Variants in PHACTR3 observed in about 807,000 individuals in gnomAD.
PHACTR3 encodes the protein phosphatase and actin regulator 3.
Under a neutral mutation model 66.8 loss-of-function variants are expected in PHACTR3, and 16 were observed. The ratio of observed to expected loss-of-function variants is 0.24; its 90% confidence interval spans 0.16 to 0.36. PHACTR3 has a LOEUF of 0.36. Among genes scored for constraint, PHACTR3 ranks in the 10% least tolerant of loss-of-function variants. The probability of loss-of-function intolerance (pLI) is 1.00; values close to 1 mark genes in which losing one functional copy is unlikely to be tolerated. For synonymous variants in PHACTR3, 323 were observed against 292.1 expected (o/e 1.11, Z -1.08); for missense variants, 647 against 719.9 (o/e 0.90, Z 1.16).
intron 1 of PHACTR3, among the ~76,000 whole-genome samples, chr20:59,711,985 T>G (rs1381200298): frequency 6.6e-6 from 1 of 152,066 alleles, no homozygotes; most frequent in Non-Finnish European, 1.5e-5. Flanking sequence ...TATTAAGGAC[T>G]TTTTTTTCAT....
intron 1 of PHACTR3, among the ~76,000 whole-genome samples, chr20:59,634,753 T>G (rs2034787388): frequency 6.6e-6 from 1 of 152,228 alleles, no homozygotes; most frequent in Non-Finnish European, 1.5e-5. Flanking sequence ...CGTCCTGTGA[T>G]GATGGAAATG....
intron 1 of PHACTR3, among the ~76,000 whole-genome samples, chr20:59,724,417 G>GT (rs2038476695): frequency 6.6e-6 from 1 of 152,146 alleles, no homozygotes; most frequent in African/African-American, 2.4e-5. Context: ...TGAGAGTAAT[G>GT]TTTTTTAAAA....
Position 59,590,762 on chromosome 20 carries a change from G to A in PHACTR3, c.109+13145G>A, listed in dbSNP as rs1203845774. Reference sequence around the variant, plus strand: ...AGCCTGCGAAGTCCAAGATCAAGGGGCCGGCAGATTTGCTGTCTGGTGAGT... The same window carrying A: ...AGCCTGCGAAGTCCAAGATCAAGGGACCGGCAGATTTGCTGTCTGGTGAGT... On this transcript the variant is annotated intron_variant, in intron 1 of 12. Coordinates refer to the PHACTR3 transcript ENST00000359926. Among the ~76,000 whole-genome samples, 3 of 152,160 alleles carry A rather than the reference G, an allele frequency of 2.0e-5. No individual in the cohort carries two copies. The East Asian group carries it at 5.8e-4, about 29-fold the overall frequency.
intron 12 of PHACTR3, among the ~76,000 whole-genome samples, chr20:59,846,850 G>A (rs1242757424): frequency 6.6e-6 from 1 of 152,068 alleles, no homozygotes; most frequent in African/African-American, 2.4e-5. Context: ...TGGCCTTTCT[G>A]TGTACTTCAA....
At chr20:59,616,367 G>C (rs1039171644) in intron 1 of PHACTR3, among the ~76,000 whole-genome samples, 2 of 152,186 alleles carry the variant, frequency 1.3e-5, no homozygotes, top group Non-Finnish European at 2.9e-5. Flanking sequence ...GAGGCTCCCA[G>C]ATGCCCTTGT....
chr20:59,845,283 G>T lies in PHACTR3; in HGVS notation c.1664+18G>T. 6.6e-7 allele frequency: 1 copy of T among 1,517,948 alleles called. No individual in the cohort carries two copies. The highest frequency in any genetic ancestry group is 1.1e-5 in the South Asian group (1 of 87,950). 94.0% of individuals were successfully genotyped at this position (1,517,948 alleles called of 1,614,324 possible). A position where few individuals can be genotyped will look rare whatever the true frequency, so the allele number is the denominator to read the frequency against. The stretch of plus-strand genomic sequence containing the variant: ...TTGACAAGGTCAGATTTGTTTCTGT[G>T]AATTTCATGGTACTTATTTTTGAAA... On this transcript the variant is annotated intron_variant, in intron 12 of 12. Coordinates refer to ENST00000371015, the MANE Select transcript of PHACTR3 (RefSeq NM_080672.5).
chr20:59,706,928 G>A (rs2037726489), intron 1 of PHACTR3, among the ~76,000 whole-genome samples: 1 of 152,180 alleles, frequency 6.6e-6, no homozygotes, highest in African/African-American at 2.4e-5. Context: ...CACATCATCT[G>A]TGGACCTTAT....
At chr20:59,658,431 A>G (rs1268638489) in intron 1 of PHACTR3, among the ~76,000 whole-genome samples, 1 of 150,542 alleles carries the variant, frequency 6.6e-6, no homozygotes, top group East Asian at 1.9e-4. Flanking sequence ...GCAACTCTGG[A>G]TACTTGTTTT....
At chr20:59,684,022 A>G (rs2036764622) in intron 1 of PHACTR3, among the ~76,000 whole-genome samples, 1 of 152,200 alleles carries the variant, frequency 6.6e-6, no homozygotes, top group South Asian at 2.1e-4. Context: ...TGTTTATTCT[A>G]GAACAGACTT....
chr20:59,605,371 C>T (rs1373392199), intron 1 of PHACTR3, among the ~76,000 whole-genome samples: 1 of 152,216 alleles, frequency 6.6e-6, no homozygotes, highest in Non-Finnish European at 1.5e-5. Context: ...CCCTCCTCTC[C>T]GGCTGGTGAG....
chr20:59,669,866 A>G (rs907099612), intron 1 of PHACTR3, among the ~76,000 whole-genome samples: 2 of 152,200 alleles, frequency 1.3e-5, no homozygotes, highest in African/African-American at 2.4e-5. Flanking sequence ...TTGTTTCCCC[A>G]TTCATCAATT....
rs2041557359 is a variant in PHACTR3, at chr20:59,806,050, C to A, written c.1184C>A (p.Pro395Gln). The A allele has an allele frequency of 6.2e-7, 1 of 1,613,668 alleles. No individual in the cohort carries two copies. Among genetic ancestry groups the A allele is most frequent in the Non-Finnish European group, 8.5e-7 (1 of 1,179,846 alleles). The change falls in exon 8 of 13, where the codon CCA becomes CAA. Residue 395 changes from proline to glutamine, a missense_variant. By Grantham distance (76) the Pro-to-Gln change is moderately conservative. Transcript: ENST00000371015. Reference protein sequence around the residue: ...LNDSIISGTLPRKCKKELLAV... With the variant: ...LNDSIISGTLQRKCKKELLAV... ...TGGATGGGGCTTTTAGGAACACTGC[C>A]ACGGAAATGCAAGAAGGAGCTCCTG...
intron 8 of PHACTR3, among the ~76,000 whole-genome samples, chr20:59,815,856 A>G (rs566012694): frequency 7.6e-4 from 115 of 152,150 alleles, no homozygotes; most frequent in Middle Eastern, 3.4e-3. Flanking sequence ...AACATCTCCT[A>G]TGGTTGTGGG....
chr20:59,595,296 A>C (rs946568412), intron 1 of PHACTR3, among the ~76,000 whole-genome samples: 3 of 152,060 alleles, frequency 2.0e-5, no homozygotes, highest in Non-Finnish European at 4.4e-5. Flanking sequence ...CCCCATCTCT[A>C]CTAAAAAATA....
intron 3 of PHACTR3, among the ~76,000 whole-genome samples, chr20:59,754,068 G>A (rs968577182): frequency 1.3e-5 from 2 of 152,274 alleles, no homozygotes; most frequent in African/African-American, 4.8e-5. Flanking sequence ...AGATTGAGAG[G>A]AGTCCTGCAG....
chr20:59,577,552 T>G, exon 1 of PHACTR3: 1 of 1,190,364 alleles, frequency 8.4e-7, no homozygotes, highest in Non-Finnish European at 1.0e-6. Flanking sequence ...CCTGCGCCCC[T>G]GCGCTCGCTG....
At chr20:59,767,793 C>A (rs1282797767) in intron 5 of PHACTR3, among the ~76,000 whole-genome samples, 2 of 152,172 alleles carry the variant, frequency 1.3e-5, no homozygotes, top group Admixed American at 6.5e-5. Flanking sequence ...TTTCTTTTTT[C>A]TTTTCCTTTC....
chr20:59,765,203 CTT>C (rs1188101937), intron 4 of PHACTR3, among the ~76,000 whole-genome samples: 1 of 152,192 alleles, frequency 6.6e-6, no homozygotes. Context: ...GTTGTAGACT[CTT>C]AGACATTATA....
intron 8 of PHACTR3, among the ~76,000 whole-genome samples, chr20:59,823,542 A>G (rs2042107714): frequency 6.6e-6 from 1 of 152,246 alleles, no homozygotes; most frequent in Admixed American, 6.5e-5. Flanking sequence ...TTTGAGGTAG[A>G]ATCCAAGGAC....
Sources: allele counts gnomAD v4.1 joint callset (sites outside exome capture counted in the v4.1 genomes callset), GRCh38; gene constraint gnomAD v4.1.1; transcripts MANE v1.5; gene names NCBI Gene and HGNC (gene_info 2026-07-23, HGNC 2026-07-21).